The following CACNA1H variants were observed in gnomAD, a reference collection of about 807,000 sequenced individuals.
CACNA1H encodes the protein calcium voltage-gated channel subunit alpha1 H.
A neutral mutation model predicts 192.5 loss-of-function variants in CACNA1H; 149 were observed. The observed-to-expected ratio is 0.77, with a 90% CI of 0.68 to 0.89. The LOEUF (loss-of-function observed/expected upper bound fraction) is 0.89, where lower values mean the gene tolerates loss of function less well. Ranked by LOEUF, CACNA1H falls within the 40% of genes least tolerant of loss-of-function variation. The pLI is 0.00. For missense variants in CACNA1H, 4,257 were observed against 3,423.5 expected (o/e 1.24, Z -6.08); for synonymous variants, 2,202 against 1,475.2 (o/e 1.49, Z -11.29).
In CACNA1H at chr16:1,212,115, G is replaced by A. The variant is rs367947771; in HGVS notation, c.4736G>A (p.Arg1579Gln). The change falls in exon 25 of 35, where the codon CGG (arginine) becomes CAG (glutamine). Residue 1579 changes from arginine (R) to glutamine (Q), a missense_variant. By Grantham distance (43) the Arg-to-Gln change is conservative. Transcript: ENST00000348261. ...CGGCGGCGAGAGGAGAAGCGGCTGC[G>A]GCGCCTAGAGAGGAGGCGCAGGAGT... ...EARRREEKRL[R>Q]RLERRRRSTF... 125 of 1,608,604 alleles carry A rather than the reference G, an allele frequency of 7.8e-5. No homozygotes were observed. Among genetic ancestry groups the A allele is most frequent in the Middle Eastern group, 3.7e-4 (2 of 5,460 alleles).
intron 18 of CACNA1H, 40 bp from the exon 19 acceptor site, chr16:1,210,330 G>GCCT: frequency 7.1e-7 from 1 of 1,407,118 alleles, no homozygotes; most frequent in South Asian, 1.3e-5. Flanking sequence ...TGCCATCCAC[G>GCCT]CCGCCCCGCC....
At chr16:1,214,607 T>C (rs907117626) in intron 27 of CACNA1H, among the ~76,000 whole-genome samples, 1 of 152,072 alleles carries the variant, frequency 6.6e-6, no homozygotes, top group Middle Eastern at 3.2e-3. Context: ...CCCGAGGTGC[T>C]CAAGTCAGTA....
chr16:1,220,769 C>T lies in CACNA1H; in HGVS notation c.6837C>T (p.Asp2279=), dbSNP rs773426617. 3.1e-6 allele frequency: 5 copies of T among 1,612,542 alleles called. No homozygotes were observed. The African/African-American group carries it at 5.3e-5, about 17-fold the overall frequency. The change falls in exon 35 of 35, where the codon GAC becomes GAT. Residue 2279 remains aspartate, a synonymous_variant. Coordinates refer to ENST00000348261, the MANE Select transcript of CACNA1H (RefSeq NM_021098.3). ...EPLDLGVPSG[D]PFLDGSHSVT... is the part of the protein sequence containing the mutation. Reference sequence around the variant, plus strand: ...TGGACCTCGGGGTCCCCAGTGGAGACCCTTTCTTGGACGGTAGCCACAGTG... The same window carrying T: ...TGGACCTCGGGGTCCCCAGTGGAGATCCTTTCTTGGACGGTAGCCACAGTG...
chr16:1,169,487 A>G (rs1315173354), intron 2 of CACNA1H, among the ~76,000 whole-genome samples: 11 of 152,150 alleles, frequency 7.2e-5, no homozygotes, highest in African/African-American at 2.2e-4. Context: ...AAGAAGCAGC[A>G]GCAGGGCTTG....
chr16:1,195,217 G>A, intron 3 of CACNA1H, 134 bp downstream of exon 3: 1 of 884,734 alleles, frequency 1.1e-6, no homozygotes, highest in South Asian at 1.7e-5. Flanking sequence ...ATCAGGGCGA[G>A]GTTCACGGCG....
At chr16:1,215,464 G>T (rs994656729) in intron 29 of CACNA1H, 59 bp from the exon 30 acceptor site, 3 of 1,587,216 alleles carry the variant, frequency 1.9e-6, no homozygotes, top group African/African-American at 2.7e-5. Flanking sequence ...GGCGGCCAGG[G>T]TCCCCGCGCA....
chr16:1,220,688 C>T lies in CACNA1H; in HGVS notation c.6756C>T (p.Gly2252=). 8 of 1,610,722 alleles carry T rather than the reference C, an allele frequency of 5.0e-6. No individual in the cohort carries two copies. The highest frequency in any genetic ancestry group is 6.8e-6 in the Non-Finnish European group (8 of 1,179,022). The change falls in exon 35 of 35, where the codon GGC becomes GGT. Residue 2252 remains glycine (G), a synonymous_variant. Transcript: ENST00000348261. ...GDPAAKGERW[G]QASCRAEHLT... is the part of the protein sequence containing the mutation. ...CTGCAGCCAAGGGGGAGCGCTGGGG[C>T]CAGGCCTCCTGCCGGGCTGAGCACC...
intron 2 of CACNA1H, among the ~76,000 whole-genome samples, chr16:1,178,156 G>A (rs187321699): frequency 0.015 from 979 of 63,304 alleles, 23 homozygotes; most frequent in African/African-American, 0.041. Flanking sequence ...CCCGGAAACC[G>A]CCCCCCCATG....
chr16:1,181,062 A>G (rs927853141), intron 2 of CACNA1H, among the ~76,000 whole-genome samples: 2 of 152,218 alleles, frequency 1.3e-5, no homozygotes, highest in African/African-American at 4.8e-5. Flanking sequence ...GCAGCTGTGC[A>G]GTGGCGCTCA....
Position 1,220,573 on chromosome 16 carries a change from CCA to C in CACNA1H, c.6645_6646del (p.Leu2216GlufsTer8). 1 of 1,537,936 alleles carries C rather than the reference CCA, an allele frequency of 6.5e-7. No individual in the cohort carries two copies. On this transcript the variant is annotated frameshift_variant, in exon 35 of 35. Coordinates refer to ENST00000348261, the MANE Select transcript of CACNA1H (RefSeq NM_021098.3). LOFTEE classifies it low-confidence loss of function (END_TRUNC). ...CCCTCCGCGGCAGAGGGCGGCAGCA[CCA>C]CACTGAGGCGCAGGACCCCGTCCTG...
chr16:1,214,889 G>A (rs1969876426), intron 27 of CACNA1H, 83 bp from the exon 28 acceptor site: 5 of 1,037,880 alleles, frequency 4.8e-6, no homozygotes, highest in South Asian at 1.4e-5. Context: ...GCCAGCGGGG[G>A]CACTCGGGCG....
Position 1,209,092 on chromosome 16 carries a change from C to A in CACNA1H, c.3424C>A (p.Arg1142Ser). ...WGPSGAWSSR[R>S]SSWSSLGRAP... is the part of the protein sequence containing the mutation. ...CCCCAGTGGCGCCTGGAGCAGCCGG[C>A]GCTCCAGCTGGAGCAGCCTGGGCCG... Residue 1142 changes from arginine to serine, a missense_variant, in exon 17 of 35, where the codon CGC becomes AGC. Transcript: ENST00000348261. The A allele has an allele frequency of 6.5e-7, 1 of 1,544,744 alleles. No homozygotes were observed. The highest frequency in any genetic ancestry group is 8.7e-7 in the Non-Finnish European group (1 of 1,148,238).
intron 11 of CACNA1H, 127 bp downstream of exon 11, chr16:1,205,392 T>C: frequency 9.4e-7 from 1 of 1,066,084 alleles, no homozygotes; most frequent in Non-Finnish European, 1.3e-6. Context: ...TGACAGGCCG[T>C]GGGAAGCAGG....
At chr16:1,209,531 G>C (rs1969174912) in intron 17 of CACNA1H, 119 bp downstream of exon 17, 2 of 1,293,988 alleles carry the variant, frequency 1.5e-6, no homozygotes, top group South Asian at 2.8e-5. Context: ...ATTCAGAAGG[G>C]GAGAGAAGCA....
Position 1,209,192 on chromosome 16 carries a change from CCGA to C in CACNA1H, c.3531_3533del (p.Asp1177del), listed in dbSNP as rs1161867219. 1.3e-6 allele frequency: 2 copies of C among 1,552,478 alleles called. No individual in the cohort carries two copies. Among genetic ancestry groups the C allele is most frequent in the South Asian group, 1.2e-5 (1 of 84,176 alleles). The stretch of plus-strand genomic sequence containing the variant: ...CTGTCTGGCGAGGGCAAGGGCAGCA[CCGA>C]CGACGAAGCTGAGGACGGCAGGGCC... On this transcript the variant is annotated inframe_deletion, in exon 17 of 35. Coordinates refer to ENST00000348261, the MANE Select transcript of CACNA1H (RefSeq NM_021098.3).
chr16:1,185,290 G>T (rs762891656), intron 2 of CACNA1H, among the ~76,000 whole-genome samples: 1 of 152,186 alleles, frequency 6.6e-6, no homozygotes, highest in East Asian at 1.9e-4. Context: ...ACAGGCCATC[G>T]GGGTCAGTGC....
chr16:1,170,956 C>T (rs1463184293), intron 2 of CACNA1H, among the ~76,000 whole-genome samples: 2 of 152,080 alleles, frequency 1.3e-5, no homozygotes, highest in Non-Finnish European at 2.9e-5. Context: ...GGGCCTTCTG[C>T]TCCCCAGGGG....
rs775671393 is a variant in CACNA1H at position 1,204,217 on chromosome 16, G to T, written c.2210G>T (p.Gly737Val). 19 of 1,611,742 alleles carry T rather than the reference G, an allele frequency of 1.2e-5. No homozygotes were observed. Among genetic ancestry groups the T allele is most frequent in the Non-Finnish European group, 4.2e-6 (5 of 1,179,492 alleles). ...VYEFTQDVRHGDRWDPTRPPR... is the reference protein window; with the variant it reads ...VYEFTQDVRHVDRWDPTRPPR... The stretch of plus-strand genomic sequence containing the variant: ...GAATTCACGCAGGACGTCCGGCACG[G>T]TGACCGCTGGGACCCCACGCGACCA... The change falls in exon 10 of 35, where the codon GGT (glycine) becomes GTT (valine). Residue 737 changes from glycine (G) to valine (V), a missense_variant. Transcript: ENST00000348261.
chr16:1,172,187 T>G (rs141248912), intron 2 of CACNA1H, among the ~76,000 whole-genome samples: 2,724 of 152,256 alleles, frequency 0.018, 57 homozygotes, highest in African/African-American at 0.048. Flanking sequence ...GCTGCGTGCC[T>G]CGATCCGGCT....
Sources: allele counts gnomAD v4.1 joint callset (sites outside exome capture counted in the v4.1 genomes callset), GRCh38; gene constraint gnomAD v4.1.1; transcripts MANE v1.5; gene names NCBI Gene and HGNC (gene_info 2026-07-23, HGNC 2026-07-21).